PLA2G4D: variants seen among roughly 807,000 people sequenced by gnomAD.
The protein encoded by PLA2G4D is phospholipase A2 group IVD, also known as cytosolic phospholipase A2 delta.
In PLA2G4D, 80 loss-of-function variants were observed where a neutral mutation model predicts 94.4. That is an observed-to-expected ratio of 0.85 (90% CI 0.71 to 1.02). The LOEUF is 1.02. Ranked by LOEUF, PLA2G4D falls within the 50% of genes least tolerant of loss-of-function variation. The probability of loss-of-function intolerance (pLI) is 0.00; values close to 1 mark genes in which losing one functional copy is unlikely to be tolerated. For synonymous variants in PLA2G4D, 438 were observed against 440.9 expected (o/e 0.99, Z 0.08); for missense variants, 1,050 against 1,034.7 (o/e 1.01, Z -0.20).
chr15:42,074,794 A>C (rs1238700744), intron 13 of PLA2G4D, among the ~76,000 whole-genome samples: 1 of 152,218 alleles, frequency 6.6e-6, no homozygotes, highest in Non-Finnish European at 1.5e-5. Context: ...ATTGACACTA[A>C]AATTGCCCGA....
Position 42,067,459 on chromosome 15 carries a change from T to C in PLA2G4D, c.*1256A>G, listed in dbSNP as rs1426349572. The C allele has an allele frequency of 6.6e-6, 1 of 150,938 alleles. No individual in the cohort carries two copies. Among genetic ancestry groups the C allele is most frequent in the Non-Finnish European group, 1.5e-5 (1 of 67,912 alleles). The allele number at this position is 150,938 out of a possible 1,614,324, so 9.3% of individuals were successfully genotyped here. ...GGGAGGCTGAAGTGGAAGGATCACT[T>C]GAGCCCAGGAAGTTGAGGATGCAGT... On this transcript the variant is annotated 3_prime_UTR_variant, in exon 20 of 20. Coordinates refer to ENST00000290472, the MANE Select transcript of PLA2G4D (RefSeq NM_178034.4).
chr15:42,085,504 G>C lies in PLA2G4D; in HGVS notation c.415C>G (p.Leu139Val). 1 of 1,614,120 alleles carries C rather than the reference G, an allele frequency of 6.2e-7. No homozygotes were observed. Among genetic ancestry groups the C allele is most frequent in the Non-Finnish European group, 8.5e-7 (1 of 1,180,022 alleles). ...GACATTACTCACGTTTCTTCCATCA[G>C]GAACTCCACATCCAGCTCCTCCTCT... ...QGEEELDVEF[L>V]MEETSDRPEN... Residue 139 changes from leucine to valine, a missense_variant, in exon 5 of 20, where the codon CTG becomes GTG. Leu to Val is a conservative substitution (Grantham distance 32). Coordinates refer to ENST00000290472, the MANE Select transcript of PLA2G4D (RefSeq NM_178034.4).
intron 8 of PLA2G4D, 41 bp from the exon 9 acceptor site, chr15:42,082,430 A>G (rs749145798): frequency 1.3e-6 from 2 of 1,483,544 alleles, no homozygotes; most frequent in East Asian, 2.3e-5. Flanking sequence ...TCATTCATTC[A>G]ACAAATCCCT....
chr15:42,075,267 G>C (rs1000707863), intron 13 of PLA2G4D, among the ~76,000 whole-genome samples: 4 of 152,222 alleles, frequency 2.6e-5, no homozygotes. Flanking sequence ...CATTACTGGA[G>C]TATCCAATGG....
In PLA2G4D at chr15:42,083,210, G is replaced by T; in HGVS notation, c.660C>A (p.Ser220Arg). 6.2e-7 allele frequency: 1 copy of T among 1,613,796 alleles called. No individual in the cohort carries two copies. Among genetic ancestry groups the T allele is most frequent in the African/African-American group, 1.3e-5 (1 of 75,022 alleles). The change falls in exon 8 of 20, where the codon AGC (serine) becomes AGA (arginine). Residue 220 changes from serine to arginine, a missense_variant. Physicochemically the swap from Ser to Arg is moderately radical, Grantham distance 110. Transcript: ENST00000290472. ...HYMAALETEL[S>R]GRLRSSRSNG... ...AGCCAAGACCCACCCTCAGGCGCCC[G>T]CTCAGCTCTGTCTCTAGGGCTGCCA... is the stretch of plus-strand genomic sequence containing the variant.
intron 1 of PLA2G4D, among the ~76,000 whole-genome samples, chr15:42,091,672 G>A (rs1201500404): frequency 6.6e-6 from 1 of 152,132 alleles, no homozygotes; most frequent in Admixed American, 6.5e-5. Context: ...GTTACCTGGA[G>A]GCCTAACCAT....
At chr15:42,071,963 G>A (rs1307912341) in intron 14 of PLA2G4D, 52 bp from the exon 15 acceptor site, 1 of 1,593,104 alleles carries the variant, frequency 6.3e-7, no homozygotes, top group African/African-American at 1.3e-5. Context: ...GATTGCGGGA[G>A]TCCCCAGCTC....
In PLA2G4D at chr15:42,071,110, C is replaced by A; in HGVS notation, c.1876+13G>T. On this transcript the variant is annotated intron_variant, in intron 17 of 19. Transcript: ENST00000290472. ...AACCTTGTGACCTAGGGACCCCTGG[C>A]CACGGCCCTGACCTGCCCAGGTGGA... is the stretch of plus-strand genomic sequence containing the variant. 1.3e-6 allele frequency: 2 copies of A among 1,598,286 alleles called. No individual in the cohort carries two copies. Among genetic ancestry groups the A allele is most frequent in the Non-Finnish European group, 8.5e-7 (1 of 1,176,040 alleles).
Position 42,087,616 on chromosome 15 carries a change from G to A in PLA2G4D, c.118+12C>T. 1.9e-6 allele frequency: 3 copies of A among 1,614,086 alleles called. No homozygotes were observed. The highest frequency in any genetic ancestry group is 2.5e-6 in the Non-Finnish European group (3 of 1,179,984). ...CCCTGCTCCCGACAGAGCGCACAGG[G>A]CGGTTACTCACACAGGTCAGCCCAG... On this transcript the variant is annotated intron_variant, in intron 2 of 19. Coordinates refer to ENST00000290472, the MANE Select transcript of PLA2G4D (RefSeq NM_178034.4).
At position 42,081,578 on chromosome 15, in the gene PLA2G4D, G is replaced by C; in HGVS notation, c.858C>G (p.Leu286=). Residue 286 remains leucine, a synonymous_variant, in exon 11 of 20, where the codon CTC becomes CTG. Transcript: ENST00000290472. Reference sequence around the variant, plus strand: ...TCAGGAAGGCCTGCTCCTCTGCACAGAGATTGAAGCCCAGGTGCACGGCCA... The same window carrying C: ...TCAGGAAGGCCTGCTCCTCTGCACACAGATTGAAGCCCAGGTGCACGGCCA... The part of the protein sequence containing the change: ...EELAVHLGFN[L]CAEEQAFLSR... 1 of 1,614,192 alleles carries C rather than the reference G, an allele frequency of 6.2e-7. No homozygotes were observed. Among genetic ancestry groups the C allele is most frequent in the East Asian group, 2.2e-5 (1 of 44,890 alleles).
chr15:42,068,523 C>A lies in PLA2G4D; in HGVS notation c.*192G>T. 3.3e-6 allele frequency: 2 copies of A among 607,718 alleles called. No individual in the cohort carries two copies. Among genetic ancestry groups the A allele is most frequent in the Non-Finnish European group, 5.8e-6 (2 of 345,918 alleles). The allele number at this position is 607,718 out of a possible 1,614,324, so 37.6% of individuals were successfully genotyped here. A position where few individuals can be genotyped will look rare whatever the true frequency, so the allele number is the denominator to read the frequency against. ...TGGCCTGGCGAAGTTATTTTCAACT[C>A]ATCTCAAGCCAGCCATGAACGTAAG... On this transcript the variant is annotated 3_prime_UTR_variant, in exon 20 of 20. Transcript: ENST00000290472.
intron 12 of PLA2G4D, 118 bp from the exon 13 acceptor site, chr15:42,079,877 C>G (rs940021762): frequency 2.2e-6 from 2 of 923,564 alleles, no homozygotes; most frequent in East Asian, 2.8e-5. Flanking sequence ...AAGGCTCTGC[C>G]GATCTGGTAA....
chr15:42,086,278 G>A lies in PLA2G4D; in HGVS notation c.322C>T (p.Leu108Phe). The A allele has an allele frequency of 2.5e-6, 4 of 1,586,494 alleles. No homozygotes were observed. Among genetic ancestry groups the A allele is most frequent in the Non-Finnish European group, 3.4e-6 (4 of 1,168,010 alleles). The change falls in exon 4 of 20, where the codon CTC becomes TTC. Residue 108 changes from leucine to phenylalanine, a missense_variant. Leu to Phe is a conservative substitution (Grantham distance 22). Coordinates refer to ENST00000290472, the MANE Select transcript of PLA2G4D (RefSeq NM_178034.4). ...VTEDDICFKVLYDISEVLPGK... is the reference protein window; with the variant it reads ...VTEDDICFKVFYDISEVLPGK... Reference sequence around the variant, plus strand: ...GGGAGGACTTCTGAGATGTCATAGAGAACCTTGAAGCAGATGTCATCCTCC... The same window carrying A: ...GGGAGGACTTCTGAGATGTCATAGAAAACCTTGAAGCAGATGTCATCCTCC...
intron 13 of PLA2G4D, among the ~76,000 whole-genome samples, chr15:42,077,009 A>T (rs1046843950): frequency 1.4e-4 from 21 of 152,258 alleles, no homozygotes; most frequent in Non-Finnish European, 2.5e-4. Flanking sequence ...TCCTGGACAC[A>T]TTCAACCTAC....
At chr15:42,081,927 CTTTTTTTTTT>C (rs398027016) in intron 9 of PLA2G4D, 93 bp from the exon 10 acceptor site, 6 of 705,386 alleles carry the variant, frequency 8.5e-6, no homozygotes, top group Admixed American at 3.7e-5. Flanking sequence ...CATCTTCATT[CTTTTTTTTTT>C]TTTTTTTTTT....
In PLA2G4D at chr15:42,094,518, T is replaced by C; in HGVS notation, c.-59A>G. On this transcript the variant is annotated 5_prime_UTR_variant, in exon 1 of 20. Transcript: ENST00000290472. ...CTTGCCAAGATGCTGGCTCTCTGGC[T>C]GAGTGGCAGCGACGGTCCCAGTGGG... 2 of 1,599,926 alleles carry C rather than the reference T, an allele frequency of 1.3e-6. No individual in the cohort carries two copies. Among genetic ancestry groups the C allele is most frequent in the Non-Finnish European group, 1.7e-6 (2 of 1,167,840 alleles).
intron 13 of PLA2G4D, among the ~76,000 whole-genome samples, chr15:42,078,113 G>A (rs1484965054): frequency 6.6e-6 from 1 of 152,256 alleles, no homozygotes; most frequent in East Asian, 1.9e-4. Context: ...TGCTGCTCTG[G>A]ACACACTGCT....
chr15:42,071,648 CAATGCA>C, intron 15 of PLA2G4D, 97 bp from the exon 16 acceptor site: 1 of 1,451,632 alleles, frequency 6.9e-7, no homozygotes, highest in Non-Finnish European at 9.5e-7. Flanking sequence ...GCTACCCCTA[CAATGCA>C]TCCCCCCCGC....
At chr15:42,087,103 C>T (rs888840167) in intron 3 of PLA2G4D, among the ~76,000 whole-genome samples, 197 bp downstream of exon 3, 3 of 152,180 alleles carry the variant, frequency 2.0e-5, no homozygotes, top group South Asian at 4.1e-4. Context: ...GTCAGTCCCA[C>T]AGCCAGTTGG....
Sources: allele counts gnomAD v4.1 joint callset (sites outside exome capture counted in the v4.1 genomes callset), GRCh38; gene constraint gnomAD v4.1.1; transcripts MANE v1.5; gene names NCBI Gene and HGNC (gene_info 2026-07-23, HGNC 2026-07-21).